CDH18: variants seen among roughly 807,000 people sequenced by gnomAD.
The protein encoded by CDH18 is cadherin 18, also known as cadherin-18.
In CDH18, 31 loss-of-function variants were observed where a neutral mutation model predicts 67.9. That is an observed-to-expected ratio of 0.46 (90% CI 0.34 to 0.62). CDH18 has a LOEUF of 0.62. Among genes scored for constraint, CDH18 ranks in the 20% least tolerant of loss-of-function variants. The pLI is 0.01. For synonymous variants in CDH18, 362 were observed against 347.2 expected (o/e 1.04, Z -0.48); for missense variants, 890 against 975.5 (o/e 0.91, Z 1.17).
chr5:20,338,221 A>G (rs1038067335), intron 1 of CDH18, among the ~76,000 whole-genome samples: 34 of 152,348 alleles, frequency 2.2e-4, no homozygotes, highest in Middle Eastern at 3.4e-3. Context: ...GCACTGTCCA[A>G]TGAATTTAAG....
intron 5 of CDH18, among the ~76,000 whole-genome samples, chr5:19,626,071 A>G (rs1312954943): frequency 6.6e-6 from 1 of 152,110 alleles, no homozygotes; most frequent in African/African-American, 2.4e-5. Flanking sequence ...TAACTTGATG[A>G]TTTCTGTAAA....
In CDH18 at chr5:20,366,411, A is replaced by G. The variant is rs563231538; in HGVS notation, c.-579-110906T>C. 8.5e-5 allele frequency among the ~76,000 whole-genome samples: 13 copies of G among 152,196 alleles called. 1 individual carries two copies. The South Asian group carries it at 2.7e-3, about 32-fold the overall frequency. On this transcript the variant is annotated intron_variant, in intron 1 of 14. Transcript: ENST00000507958. The stretch of plus-strand genomic sequence containing the variant: ...AATGACATGTCCTTTTCTAATTCAC[A>G]TTAACTATTGCGATAACTTTTTAAC...
intron 2 of CDH18, among the ~76,000 whole-genome samples, chr5:19,928,564 G>A (rs148263788): frequency 1.9e-3 from 289 of 152,138 alleles, no homozygotes; most frequent in African/African-American, 6.3e-3. Flanking sequence ...ACACAATACA[G>A]GAATGTAACA....
chr5:19,503,731 T>C (rs1213740900), intron 10 of CDH18, among the ~76,000 whole-genome samples: 1 of 152,122 alleles, frequency 6.6e-6, no homozygotes, highest in African/African-American at 2.4e-5. Context: ...AGCAATTCTT[T>C]AGAATCTGGA....
At chr5:20,236,687 A>C (rs1742497843) in intron 2 of CDH18, among the ~76,000 whole-genome samples, 1 of 152,060 alleles carries the variant, frequency 6.6e-6, no homozygotes, top group African/African-American at 2.4e-5. Context: ...AACAAATTGA[A>C]TTTGCATTTA....
intron 5 of CDH18, among the ~76,000 whole-genome samples, chr5:19,708,439 A>G (rs1417812328): frequency 1.3e-5 from 2 of 152,088 alleles, no homozygotes; most frequent in African/African-American, 2.4e-5. Flanking sequence ...TGCTTTTATC[A>G]TCTTGCAAAA....
intron 3 of CDH18, among the ~76,000 whole-genome samples, chr5:19,795,950 A>C (rs1158659697): frequency 6.6e-6 from 1 of 152,152 alleles, no homozygotes; most frequent in East Asian, 1.9e-4. Flanking sequence ...ACAGGAATGA[A>C]AACATTGCTG....
intron 1 of CDH18, among the ~76,000 whole-genome samples, chr5:20,361,079 G>A (rs1742051802): frequency 6.6e-6 from 1 of 151,518 alleles, no homozygotes; most frequent in Admixed American, 6.6e-5. Flanking sequence ...CTAATAGAAG[G>A]GAATAGAGAA....
At chr5:20,247,357 A>T (rs1321869382) in intron 2 of CDH18, among the ~76,000 whole-genome samples, 1 of 152,208 alleles carries the variant, frequency 6.6e-6, no homozygotes, top group East Asian at 1.9e-4. Flanking sequence ...CAGAGCAGGC[A>T]AAAAAGTAAA....
At chr5:19,961,575 C>A (rs1342455516) in intron 2 of CDH18, among the ~76,000 whole-genome samples, 1 of 152,102 alleles carries the variant, frequency 6.6e-6, no homozygotes, top group East Asian at 1.9e-4. Context: ...ATGTCACCAG[C>A]ACTGGATTTT....
intron 2 of CDH18, among the ~76,000 whole-genome samples, chr5:20,029,279 C>T (rs1431130136): frequency 6.6e-6 from 1 of 152,078 alleles, no homozygotes; most frequent in African/African-American, 2.4e-5. Context: ...CAAAGAGATT[C>T]TTCGTGGTCA....
chr5:19,602,974 A>C (rs1008916843), intron 6 of CDH18, among the ~76,000 whole-genome samples: 7 of 151,910 alleles, frequency 4.6e-5, no homozygotes, highest in Admixed American at 6.6e-5. Context: ...TCAAAAAAAA[A>C]AATAAATAAA....
At chr5:19,494,090 T>C (rs1445623548) in intron 11 of CDH18, among the ~76,000 whole-genome samples, 1 of 152,180 alleles carries the variant, frequency 6.6e-6, no homozygotes, top group Admixed American at 6.5e-5. Context: ...TCTACTACTT[T>C]TACAATTTAA....
intron 1 of CDH18, among the ~76,000 whole-genome samples, chr5:20,391,396 A>G (rs1042523466): frequency 2.6e-5 from 4 of 152,008 alleles, no homozygotes; most frequent in Admixed American, 6.6e-5. Context: ...ATATGATAGA[A>G]TTTTTGTAAA....
chr5:19,821,936 C>A (rs931760328), intron 3 of CDH18, among the ~76,000 whole-genome samples: 6 of 152,030 alleles, frequency 3.9e-5, no homozygotes, highest in Non-Finnish European at 7.4e-5. Flanking sequence ...ACCACTAGAC[C>A]AGCCTTACAA....
chr5:20,405,278 T>C (rs2150135034), intron 1 of CDH18, among the ~76,000 whole-genome samples: 1 of 152,154 alleles, frequency 6.6e-6, no homozygotes, highest in South Asian at 2.1e-4. Context: ...TCAGAAATAA[T>C]GCCACACATC....
intron 1 of CDH18, among the ~76,000 whole-genome samples, chr5:20,262,567 ATC>A (rs1744733708): frequency 6.6e-6 from 1 of 152,118 alleles, no homozygotes; most frequent in Non-Finnish European, 1.5e-5. Flanking sequence ...CCCCATGGGG[ATC>A]CCTGAGAGAC....
At chr5:20,212,713 AC>A (rs954748919) in intron 2 of CDH18, among the ~76,000 whole-genome samples, 10 of 152,004 alleles carry the variant, frequency 6.6e-5, no homozygotes, top group African/African-American at 1.9e-4. Flanking sequence ...AAAAAAAAAA[AC>A]ATATCTTAAA....
intron 1 of CDH18, among the ~76,000 whole-genome samples, chr5:20,572,003 A>AT (rs1758845762): frequency 6.6e-6 from 1 of 152,132 alleles, no homozygotes; most frequent in African/African-American, 2.4e-5. Flanking sequence ...TTATTAAGAA[A>AT]GTCTACGGTG....
Sources: allele counts gnomAD v4.1 joint callset (sites outside exome capture counted in the v4.1 genomes callset), GRCh38; gene constraint gnomAD v4.1.1; transcripts MANE v1.5; gene names NCBI Gene and HGNC (gene_info 2026-07-23, HGNC 2026-07-21).